The following LAP3 variants were observed in gnomAD, a reference collection of about 807,000 sequenced individuals.
LAP3 encodes the protein cytosol aminopeptidase.
In LAP3, 46 loss-of-function variants were observed where a neutral mutation model predicts 58.8. That is an observed-to-expected ratio of 0.78 (90% CI 0.62 to 1.00). The LOEUF (loss-of-function observed/expected upper bound fraction) is 1.00, where lower values mean the gene tolerates loss of function less well. Among genes scored for constraint, LAP3 ranks in the 50% least tolerant of loss-of-function variants. The pLI is 0.00. For missense variants in LAP3, 615 were observed against 659.1 expected, an observed-to-expected ratio of 0.93 and a Z score of 0.73; for synonymous variants, 257 against 237.7, an observed-to-expected ratio of 1.08 and a Z score of -0.75.
At position 17,595,497 on chromosome 4, in the gene LAP3, G is replaced by A. The variant is rs1458361667; in HGVS notation, c.951G>A (p.Val317=). 1.9e-6 allele frequency: 3 copies of A among 1,614,068 alleles called. No homozygotes were observed. The highest frequency in any genetic ancestry group is 2.7e-5 in the African/African-American group (2 of 75,044). ...CTGCAACTATATGCTCAGCCATCGTGTCTGCTGCAAAGCTTAATTTGCCCA... is the reference window on the plus strand; with the variant it reads ...CTGCAACTATATGCTCAGCCATCGTATCTGCTGCAAAGCTTAATTTGCCCA... ...GGAATICSAI[V]SAAKLNLPIN... is the part of the protein sequence containing the mutation. Residue 317 remains valine, a synonymous_variant, in exon 8 of 13, where the codon GTG becomes GTA. Coordinates refer to ENST00000226299, the MANE Select transcript of LAP3 (RefSeq NM_015907.3).
chr4:17,597,794 G>A (rs1458720461), intron 9 of LAP3, among the ~76,000 whole-genome samples: 1 of 152,184 alleles, frequency 6.6e-6, no homozygotes, highest in Non-Finnish European at 1.5e-5. Flanking sequence ...TGTAGGTGTT[G>A]AGGTAGAACA....
rs142557446 is a variant in LAP3, at chr4:17,595,466, G to A, written c.920G>A (p.Gly307Glu). 1 of 1,613,802 alleles carries A rather than the reference G, an allele frequency of 6.2e-7. No homozygotes were observed. Among genetic ancestry groups the A allele is most frequent in the African/African-American group, 1.3e-5 (1 of 74,904 alleles). The change falls in exon 8 of 13, where the codon GGA (glycine) becomes GAA (glutamate). Residue 307 changes from glycine to glutamate, a missense_variant. Gly to Glu is a moderately conservative substitution (Grantham distance 98). Transcript: ENST00000226299. ...ANMDLMRADM[G>E]GAATICSAIV... ...ATGGACCTCATGAGGGCTGACATGG[G>A]AGGAGCTGCAACTATATGCTCAGCC... is the stretch of plus-strand genomic sequence containing the variant.
chr4:17,593,845 T>C (rs139263205), intron 7 of LAP3, among the ~76,000 whole-genome samples: 2,355 of 152,154 alleles, frequency 0.015, 69 homozygotes, highest in African/African-American at 0.054. Context: ...ACTCCTGGGC[T>C]CAAGTGATTT....
At chr4:17,582,041 C>T in intron 3 of LAP3, 3 of 595,468 alleles carry the variant, frequency 5.0e-6, no homozygotes. Context: ...CTCTGGCTTA[C>T]ACAGAATTAT....
In LAP3 at chr4:17,577,253, T is replaced by A; in HGVS notation, c.-213T>A. The A allele has an allele frequency of 1.4e-5, 2 of 142,736 alleles. No homozygotes were observed. Among genetic ancestry groups the A allele is most frequent in the Admixed American group, 2.6e-4 (1 of 3,860 alleles). 8.8% of individuals were successfully genotyped at this position (142,736 alleles called of 1,614,324 possible). ...GCGCACACGAATGCGGGCGCACCCTTGAGTCCCCTCCACAACCGCGGTTTG... is the reference window on the plus strand; with the variant it reads ...GCGCACACGAATGCGGGCGCACCCTAGAGTCCCCTCCACAACCGCGGTTTG... On this transcript the variant is annotated 5_prime_UTR_variant, in exon 1 of 13. It introduces an in-frame stop codon into an upstream open reading frame of the 5' UTR. Transcript: ENST00000226299.
Position 17,607,408 on chromosome 4 carries a change from G to A in LAP3, c.1379G>A (p.Gly460Glu), listed in dbSNP as rs754491555. The A allele has an allele frequency of 7.4e-6, 12 of 1,611,820 alleles. No homozygotes were observed. The highest frequency in any genetic ancestry group is 8.5e-7 in the Non-Finnish European group (1 of 1,179,374). ...TTTGTCTTTCTCTTCAGATCTGCAG[G>A]AGCATGTACAGCTGCAGCATTCCTG... The part of the protein sequence containing the change: ...VNNIGKYRSA[G>E]ACTAAAFLKE... Residue 460 changes from glycine (G) to glutamate (E), a missense_variant, in exon 13 of 13, where the codon GGA becomes GAA. Coordinates refer to ENST00000226299, the MANE Select transcript of LAP3 (RefSeq NM_015907.3).
intron 6 of LAP3, among the ~76,000 whole-genome samples, chr4:17,587,315 C>T (rs560677446): frequency 6.6e-6 from 1 of 152,266 alleles, no homozygotes; most frequent in South Asian, 2.1e-4. Context: ...CATTGTAGGT[C>T]AGTGTATATC....
In LAP3 at chr4:17,606,847, G is replaced by C; in HGVS notation, c.1279G>C (p.Asp427His). 6.2e-7 allele frequency: 1 copy of C among 1,612,104 alleles called. No homozygotes were observed. The highest frequency in any genetic ancestry group is 2.2e-5 in the East Asian group (1 of 44,850). Residue 427 changes from aspartate (D) to histidine (H), a missense_variant, in exon 12 of 13, where the codon GAC becomes CAC. Transcript: ENST00000226299. ...TCTCTAGGCCAGCATTGAAACAGGG[G>C]ACCGTGTCTGGAGGATGCCTCTCTT... ...KLFEASIETG[D>H]RVWRMPLFEH...
Position 17,606,884 on chromosome 4 carries a change from C to A in LAP3, c.1316C>A (p.Thr439Lys). The A allele has an allele frequency of 1.2e-6, 2 of 1,613,614 alleles. No individual in the cohort carries two copies. Among genetic ancestry groups the A allele is most frequent in the Non-Finnish European group, 1.7e-6 (2 of 1,179,940 alleles). The part of the protein sequence containing the change: ...VWRMPLFEHY[T>K]RQVVDCQLAD... The stretch of plus-strand genomic sequence containing the variant: ...AGGATGCCTCTCTTCGAACATTATA[C>A]AAGACAGGTTGTAGATTGCCAGCTT... Residue 439 changes from threonine (T) to lysine (K), a missense_variant, in exon 12 of 13, where the codon ACA (threonine) becomes AAA (lysine). By Grantham distance (78) the Thr-to-Lys change is moderately conservative. Coordinates refer to ENST00000226299, the MANE Select transcript of LAP3 (RefSeq NM_015907.3).
chr4:17,581,685 G>A (rs995013733), intron 2 of LAP3, 75 bp from the exon 3 acceptor site: 21 of 1,067,702 alleles, frequency 2.0e-5, no homozygotes, highest in South Asian at 2.6e-5. Flanking sequence ...TGATAATGCC[G>A]AGTATGTAAG....
intron 9 of LAP3, among the ~76,000 whole-genome samples, chr4:17,598,111 C>A (rs1236897290): frequency 3.9e-5 from 6 of 152,006 alleles, no homozygotes; most frequent in Non-Finnish European, 7.4e-5. Context: ...TTTTGGCTTC[C>A]AAAGTCATCA....
At chr4:17,582,886 C>T (rs1577218980) in intron 4 of LAP3, among the ~76,000 whole-genome samples, 1 of 152,158 alleles carries the variant, frequency 6.6e-6, no homozygotes, top group South Asian at 2.1e-4. Context: ...GGCCTAATAC[C>T]GTCAAGAGCC....
intron 11 of LAP3, 104 bp from the exon 12 acceptor site, chr4:17,606,724 TA>T: frequency 1.6e-6 from 1 of 642,268 alleles, no homozygotes; most frequent in Non-Finnish European, 2.7e-6. Flanking sequence ...TGTTTTAGAG[TA>T]ACAGGTTAGA....
intron 5 of LAP3, 24 bp downstream of exon 5, chr4:17,583,666 G>A (rs1304589776): frequency 6.2e-7 from 1 of 1,607,976 alleles, no homozygotes; most frequent in South Asian, 1.1e-5. Flanking sequence ...ATTAGGAGGA[G>A]GGTGGTGCTC....
intron 6 of LAP3, among the ~76,000 whole-genome samples, chr4:17,587,155 C>T (rs6815977): frequency 0.081 from 12,260 of 152,130 alleles, 1,614 homozygotes; most frequent in African/African-American, 0.28. Context: ...TTAGAAGTTA[C>T]AGTACAAGAG....
chr4:17,581,725 A>T (rs740887), intron 2 of LAP3, 35 bp from the exon 3 acceptor site: 2 of 1,584,152 alleles, frequency 1.3e-6, no homozygotes, highest in Admixed American at 3.4e-5. Flanking sequence ...CGAGCAAAAT[A>T]CTTGTTTTAA....
chr4:17,600,170 A>C (rs913197721), intron 10 of LAP3, among the ~76,000 whole-genome samples: 6 of 152,176 alleles, frequency 3.9e-5, no homozygotes, highest in African/African-American at 1.4e-4. Flanking sequence ...GTCAGACTCT[A>C]CCTCTTTTAA....
intron 6 of LAP3, chr4:17,587,655 T>C (rs945897583): frequency 6.6e-6 from 1 of 152,212 alleles, no homozygotes; most frequent in African/African-American, 2.4e-5. Flanking sequence ...CAGAAATCAA[T>C]ACAAAGCCCT....
chr4:17,589,822 C>T (rs1713633690), intron 7 of LAP3, among the ~76,000 whole-genome samples: 1 of 152,216 alleles, frequency 6.6e-6, no homozygotes, highest in South Asian at 2.1e-4. Context: ...TAAAGATTCT[C>T]CACGAGGTTA....
Sources: allele counts gnomAD v4.1 joint callset (sites outside exome capture counted in the v4.1 genomes callset), GRCh38; gene constraint gnomAD v4.1.1; transcripts MANE v1.5; gene names NCBI Gene and HGNC (gene_info 2026-07-23, HGNC 2026-07-21).